Variants in SLFN14 observed in about 807,000 individuals in gnomAD.
SLFN14 encodes protein SLFN14.
A neutral mutation model predicts 58.6 loss-of-function variants in SLFN14; 47 were observed. The observed-to-expected ratio is 0.80, with a 90% CI of 0.64 to 1.02. The LOEUF (loss-of-function observed/expected upper bound fraction) is 1.02. SLFN14 is among the 50% of genes least tolerant of loss of function. The probability of loss-of-function intolerance (pLI) is 0.00; values close to 1 mark genes in which losing one functional copy is unlikely to be tolerated. For missense variants in SLFN14, 967 were observed against 1,078.4 expected, an observed-to-expected ratio of 0.90 and a Z score of 1.45; for synonymous variants, 390 against 387.3, an observed-to-expected ratio of 1.01 and a Z score of -0.08.
At chr17:35,550,622 T>C (rs78573994) in intron 5 of SLFN14, among the ~76,000 whole-genome samples, 3,662 of 152,326 alleles carry the variant, frequency 0.024, 135 homozygotes, top group East Asian at 0.18. Context: ...GTTTTTTTTA[T>C]GGCAAGGTCT....
rs1472489824 is a variant in SLFN14, at chr17:35,556,984, T to C, written c.1060+19A>G. The C allele has an allele frequency of 6.5e-7, 1 of 1,533,888 alleles. No individual in the cohort carries two copies. The highest frequency in any genetic ancestry group is 2.1e-5 in the Admixed American group (1 of 48,480). On this transcript the variant is annotated intron_variant, in intron 3 of 5. Coordinates refer to ENST00000674182, the MANE Select transcript of SLFN14 (RefSeq NM_001129820.2). ...GGTTCCTCCCTGCTGATGGGGACAA[T>C]GACTTCACTTCCCTTTACCTGACTG...
chr17:35,545,987 G>T lies in SLFN14; in HGVS notation c.*2252C>A, dbSNP rs945442042. Among the ~76,000 whole-genome samples, 2 of 152,110 alleles carry T rather than the reference G, an allele frequency of 1.3e-5. No homozygotes were observed. Among genetic ancestry groups the T allele is most frequent in the African/African-American group, 4.8e-5 (2 of 41,426 alleles). On this transcript the variant is annotated 3_prime_UTR_variant, in exon 6 of 6. Transcript: ENST00000674182. ...TCATCCTGATTGAATTGTTTCACTA[G>T]ACTAAGAACTGACAAAGACTCTCAA...
At chr17:35,552,659 T>TAC (rs377526930) in intron 5 of SLFN14, 71 bp downstream of exon 5, 30,503 of 516,180 alleles carry the variant, frequency 0.059, 3,072 homozygotes, top group African/African-American at 0.3. Context: ...CACATATATA[T>TAC]ACACATATAT....
intron 4 of SLFN14, among the ~76,000 whole-genome samples, chr17:35,553,846 C>T (rs1567713440): frequency 6.6e-6 from 1 of 152,136 alleles, no homozygotes; most frequent in Non-Finnish European, 1.5e-5. Flanking sequence ...ACCATGTTGG[C>T]TAGGCTGGTC....
intron 5 of SLFN14, 92 bp downstream of exon 5, chr17:35,552,638 A>ATATATATATGTG (rs2072603648): frequency 3.1e-6 from 1 of 327,644 alleles, no homozygotes; most frequent in Non-Finnish European, 4.4e-6. Flanking sequence ...ATATATATAC[A>ATATATATATGTG]TATATATATA....
intron 2 of SLFN14, among the ~76,000 whole-genome samples, chr17:35,558,344 C>A (rs1281417441): frequency 6.6e-6 from 1 of 152,150 alleles, no homozygotes; most frequent in Admixed American, 6.6e-5. Context: ...TAGTTCTCTG[C>A]AACCTCAACC....
chr17:35,547,286 A>G lies in SLFN14; in HGVS notation c.*953T>C, dbSNP rs1014235642. Among the ~76,000 whole-genome samples, 9 of 152,350 alleles carry G rather than the reference A, an allele frequency of 5.9e-5. No individual in the cohort carries two copies. The highest frequency in any genetic ancestry group is 2.2e-4 in the African/African-American group (9 of 41,590). On this transcript the variant is annotated 3_prime_UTR_variant, in exon 6 of 6. Transcript: ENST00000674182. ...TTTGTCTAGTCCTTGTGATAGAAAT[A>G]TCTTTATTTTAGAAATTATTGCAAT...
Position 35,557,143 on chromosome 17 carries a change from C to A in SLFN14, c.920G>T (p.Gly307Val). The change falls in exon 3 of 6, where the codon GGT becomes GTT. Residue 307 changes from glycine to valine, a missense_variant. Gly to Val is a moderately radical substitution (Grantham distance 109, BLOSUM62 -3). Coordinates refer to ENST00000674182, the MANE Select transcript of SLFN14 (RefSeq NM_001129820.2). Reference sequence around the variant, plus strand: ...CTCCACTTGAATCACACAGACATAACCATCCAGGACATCTTTTTGGTACAC... The same window carrying A: ...CTCCACTTGAATCACACAGACATAAACATCCAGGACATCTTTTTGGTACAC... ...LNVYQKDVLD[G>V]YVCVIQVEPF... The A allele has an allele frequency of 6.4e-7, 1 of 1,551,710 alleles. No individual in the cohort carries two copies. The highest frequency in any genetic ancestry group is 8.7e-7 in the Non-Finnish European group (1 of 1,147,002).
In SLFN14 at chr17:35,557,239, A is replaced by G; in HGVS notation, c.824T>C (p.Ile275Thr). ...GAAGTGGAATGTAGGCAATTTTTCT[A>G]TGCAGTTTTCGATTTCTTTTTTTAG... ...DLLKKEIENCIEKLPTFHFCC... is the reference protein window; with the variant it reads ...DLLKKEIENCTEKLPTFHFCC... The change falls in exon 3 of 6, where the codon ATA becomes ACA. Residue 275 changes from isoleucine to threonine, a missense_variant. By Grantham distance (89) the Ile-to-Thr change is moderately conservative. Transcript: ENST00000674182. 1 of 1,551,686 alleles carries G rather than the reference A, an allele frequency of 6.4e-7. No individual in the cohort carries two copies. The highest frequency in any genetic ancestry group is 8.7e-7 in the Non-Finnish European group (1 of 1,146,988).
rs1208869521 is a variant in SLFN14, at chr17:35,545,938, A to C, written c.*2301T>G. Among the ~76,000 whole-genome samples the C allele has an allele frequency of 6.6e-6, 1 of 152,172 alleles. No homozygotes were observed. The highest frequency in any genetic ancestry group is 1.5e-5 in the Non-Finnish European group (1 of 68,024). On this transcript the variant is annotated 3_prime_UTR_variant, in exon 6 of 6. Coordinates refer to ENST00000674182, the MANE Select transcript of SLFN14 (RefSeq NM_001129820.2). ...TTATAATGAGCATCCAGGGTTGAGAATCACTGAGTTAGTTATTCTACTTTC... is the reference window on the plus strand; with the variant it reads ...TTATAATGAGCATCCAGGGTTGAGACTCACTGAGTTAGTTATTCTACTTTC...
chr17:35,555,059 G>C (rs1201573013), intron 3 of SLFN14, among the ~76,000 whole-genome samples: 1 of 152,052 alleles, frequency 6.6e-6, no homozygotes, highest in Non-Finnish European at 1.5e-5. Flanking sequence ...GGATCAGCAA[G>C]GATTAAAGCA....
Position 35,553,194 on chromosome 17 carries a change from T to C in SLFN14, c.1440A>G (p.Gly480=). 1 of 1,551,670 alleles carries C rather than the reference T, an allele frequency of 6.4e-7. No individual in the cohort carries two copies. ...YTILIDPNWP[G]GLEYARNTAH... ...CTGTGTTTCGGGCATATTCAAGTCC[T>C]CCAGGCCAATTGGGGTCTATTAAGA... The change falls in exon 5 of 6, where the codon GGA becomes GGG. Residue 480 remains glycine, a synonymous_variant. Coordinates refer to ENST00000674182, the MANE Select transcript of SLFN14 (RefSeq NM_001129820.2).
In SLFN14 at chr17:35,557,059, G is replaced by T; in HGVS notation, c.1004C>A (p.Ser335Tyr). The part of the protein sequence containing the change: ...APDSWIMKDN[S>Y]VTRLTAEQWV... The stretch of plus-strand genomic sequence containing the variant: ...CTGCTCAGCTGTCAGCCGTGTGACA[G>T]AATTGTCTTTCATGATCCAGGAATC... Residue 335 changes from serine (S) to tyrosine (Y), a missense_variant, in exon 3 of 6, where the codon TCT (serine) becomes TAT (tyrosine). Ser to Tyr is a moderately radical substitution (Grantham distance 144, BLOSUM62 -2). Coordinates refer to ENST00000674182, the MANE Select transcript of SLFN14 (RefSeq NM_001129820.2). 6.4e-7 allele frequency: 1 copy of T among 1,551,676 alleles called. No individual in the cohort carries two copies. Among genetic ancestry groups the T allele is most frequent in the Non-Finnish European group, 8.7e-7 (1 of 1,146,988 alleles).
At position 35,549,050 on chromosome 17, in the gene SLFN14, A is replaced by G. The variant is rs2072560531; in HGVS notation, c.1928T>C (p.Val643Ala). Residue 643 changes from valine (V) to alanine (A), a missense_variant, in exon 6 of 6, where the codon GTG becomes GCG. Physicochemically the swap from Val to Ala is moderately conservative, Grantham distance 64 (BLOSUM62 0). Coordinates refer to ENST00000674182, the MANE Select transcript of SLFN14 (RefSeq NM_001129820.2). ...FVTQQTTCQA[V>A]TRKTFMQGEF... is the part of the protein sequence containing the mutation. ...CCCTTGCATGAAAGTTTTCCTGGTC[A>G]CAGCTTGGCAGGTGGTTTGTTGGCT... 1 of 1,551,520 alleles carries G rather than the reference A, an allele frequency of 6.4e-7. No homozygotes were observed. Among genetic ancestry groups the G allele is most frequent in the Non-Finnish European group, 8.7e-7 (1 of 1,146,914 alleles).
chr17:35,553,104 T>G lies in SLFN14; in HGVS notation c.1530A>C (p.Pro510=). 6.4e-7 allele frequency: 1 copy of G among 1,551,656 alleles called. No individual in the cohort carries two copies. The highest frequency in any genetic ancestry group is 1.7e-4 in the Middle Eastern group (1 of 5,992). ...GTGTGCTGCTCAGGTGTATCAGCCT[T>G]GGAATGATGCACACTTTCCCTGTGT... The part of the protein sequence containing the change: ...GGYTGKVCII[P]RLIHLSSTQS... The change falls in exon 5 of 6, where the codon CCA becomes CCC. Residue 510 remains proline, a synonymous_variant. Transcript: ENST00000674182.
At position 35,554,633 on chromosome 17, in the gene SLFN14, C is replaced by T. The variant is rs759169256; in HGVS notation, c.1132G>A (p.Gly378Arg). 1.9e-5 allele frequency: 29 copies of T among 1,531,650 alleles called. No homozygotes were observed. The highest frequency in any genetic ancestry group is 4.2e-5 in the African/African-American group (3 of 71,504). 94.9% of individuals were successfully genotyped at this position (1,531,650 alleles called of 1,614,324 possible). ...AATTTGTGGACTTTTATGGGATATC[C>T]GGGACTTTTTCGTGCAGATGAAGCT... ...SSASSARKSP[G>R]YPIKVHKFKE... The change falls in exon 4 of 6, where the codon GGA becomes AGA. Residue 378 changes from glycine (G) to arginine (R), a missense_variant. Physicochemically the swap from Gly to Arg is moderately radical, Grantham distance 125. Coordinates refer to ENST00000674182, the MANE Select transcript of SLFN14 (RefSeq NM_001129820.2).
intron 2 of SLFN14, among the ~76,000 whole-genome samples, chr17:35,559,175 A>G (rs760402477): frequency 1.8e-4 from 28 of 152,146 alleles, no homozygotes; most frequent in Non-Finnish European, 3.8e-4. Flanking sequence ...GCAGTGAACC[A>G]TGATCGCACC....
chr17:35,556,265 TGG>T (rs1455278915), intron 3 of SLFN14, among the ~76,000 whole-genome samples: 2 of 152,100 alleles, frequency 1.3e-5, no homozygotes, highest in Non-Finnish European at 2.9e-5. Flanking sequence ...CTCAAACTCC[TGG>T]GCTTAGGCAA....
In SLFN14 at chr17:35,553,238, G is replaced by T. The variant is rs369307237; in HGVS notation, c.1396C>A (p.Pro466Thr). The stretch of plus-strand genomic sequence containing the variant: ...ATTAAGATTGTATAGAGTACCACGG[G>T]GCTGTTAACTGCTATCAGGAGAGCA... ...CDALLIAVNS[P>T]VVLYTILIDP... Residue 466 changes from proline to threonine, a missense_variant, in exon 5 of 6, where the codon CCC (proline) becomes ACC (threonine). Pro to Thr is a conservative substitution (Grantham distance 38). Coordinates refer to ENST00000674182, the MANE Select transcript of SLFN14 (RefSeq NM_001129820.2). 11 of 1,551,480 alleles carry T rather than the reference G, an allele frequency of 7.1e-6. No homozygotes were observed. The highest frequency in any genetic ancestry group is 1.4e-5 in the African/African-American group (1 of 73,004).
Sources: allele counts gnomAD v4.1 joint callset (sites outside exome capture counted in the v4.1 genomes callset), GRCh38; gene constraint gnomAD v4.1.1; transcripts MANE v1.5; gene names NCBI Gene and HGNC (gene_info 2026-07-23, HGNC 2026-07-21).